The following DNAAF1 variants were observed in gnomAD, a reference collection of about 807,000 sequenced individuals.
The protein encoded by DNAAF1 is dynein assembly factor 1, axonemal.
In DNAAF1, 65 loss-of-function variants were observed where a neutral mutation model predicts 71.1. That is an observed-to-expected ratio of 0.91 (90% CI 0.75 to 1.12). DNAAF1 has a LOEUF of 1.12. DNAAF1 is among the 50% of genes most tolerant of loss of function. DNAAF1 has a pLI of 0.00. For missense variants in DNAAF1, 1,178 were observed against 899.8 expected (o/e 1.31, Z -3.96); for synonymous variants, 414 against 354.6 (o/e 1.17, Z -1.88).
At chr16:84,166,022 T>TCTTTAATC in intron 7 of DNAAF1, 73 bp downstream of exon 7, 1 of 1,525,376 alleles carries the variant, frequency 6.6e-7, no homozygotes, top group Non-Finnish European at 9.0e-7. Context: ...TCAAACCCAG[T>TCTTTAATC]CTTTAATCTT....
chr16:84,177,245 C>T (rs368105403), intron 11 of DNAAF1: 6 of 232,632 alleles, frequency 2.6e-5, no homozygotes, highest in African/African-American at 1.1e-4. Flanking sequence ...CAGCCTCGGG[C>T]GGGGGCAGGC....
chr16:84,170,003 A>C lies in DNAAF1; in HGVS notation c.1175A>C (p.Glu392Ala). 1.9e-6 allele frequency: 3 copies of C among 1,613,906 alleles called. No individual in the cohort carries two copies. The highest frequency in any genetic ancestry group is 8.5e-7 in the Non-Finnish European group (1 of 1,179,994). ...SFEAKDELCP[E>A]KPSGEEPPVE... Reference sequence around the variant, plus strand: ...GAGGCCAAGGACGAGCTCTGCCCGGAAAAGCCAAGTGGAGAGGAGCCGCCT... The same window carrying C: ...GAGGCCAAGGACGAGCTCTGCCCGGCAAAGCCAAGTGGAGAGGAGCCGCCT... Residue 392 changes from glutamate to alanine, a missense_variant, in exon 8 of 12, where the codon GAA becomes GCA. Glu to Ala is a moderately radical substitution (Grantham distance 107). Coordinates refer to ENST00000378553, the MANE Select transcript of DNAAF1 (RefSeq NM_178452.6).
In DNAAF1 at chr16:84,168,607, A is replaced by G. The variant is rs557447673; in HGVS notation, c.1031-1252A>G. Among the ~76,000 whole-genome samples the G allele has an allele frequency of 2.4e-4, 36 of 152,208 alleles. No individual in the cohort carries two copies. The Middle Eastern group carries it at 0.01, about 43-fold the overall frequency. On this transcript the variant is annotated intron_variant, in intron 7 of 11. Coordinates refer to ENST00000378553, the MANE Select transcript of DNAAF1 (RefSeq NM_178452.6). ...ATACATTTTTATATAAAAATGGCAG[A>G]AATATGTTGCTTCCTGTCTAGTCTT...
intron 5 of DNAAF1, among the ~76,000 whole-genome samples, chr16:84,158,089 C>T (rs1249139529): frequency 6.6e-6 from 1 of 152,046 alleles, no homozygotes; most frequent in African/African-American, 2.4e-5. Context: ...CCTGTAGTCC[C>T]AGCTACTCTG....
At chr16:84,159,553 A>G in intron 5 of DNAAF1, 122 bp from the exon 6 acceptor site, 1 of 1,340,862 alleles carries the variant, frequency 7.5e-7, no homozygotes, top group Admixed American at 2.0e-5. Context: ...AGGACAGGAT[A>G]TTGGCACTTC....
At chr16:84,165,666 G>A in intron 6 of DNAAF1, 117 bp from the exon 7 acceptor site, 1 of 975,538 alleles carries the variant, frequency 1.0e-6, no homozygotes, top group South Asian at 1.3e-5. Context: ...TTTTATCCTT[G>A]CAGTCACATG....
chr16:84,153,824 G>A (rs1256158997), intron 3 of DNAAF1, among the ~76,000 whole-genome samples: 1 of 152,112 alleles, frequency 6.6e-6, no homozygotes, highest in African/African-American at 2.4e-5. Context: ...CAGGCCTGGT[G>A]GGAACATTTT....
chr16:84,152,811 A>C (rs962709646), intron 3 of DNAAF1, among the ~76,000 whole-genome samples: 2 of 152,000 alleles, frequency 1.3e-5, no homozygotes, highest in Non-Finnish European at 2.9e-5. Flanking sequence ...AAAATTAGCC[A>C]GGTGTGGTGA....
At position 84,177,848 on chromosome 16, in the gene DNAAF1, C is replaced by T; in HGVS notation, c.*7C>T. 5.0e-6 allele frequency: 8 copies of T among 1,607,774 alleles called. No individual in the cohort carries two copies. Among genetic ancestry groups the T allele is most frequent in the Non-Finnish European group, 6.8e-6 (8 of 1,174,304 alleles). On this transcript the variant is annotated 3_prime_UTR_variant, in exon 12 of 12. Coordinates refer to ENST00000378553, the MANE Select transcript of DNAAF1 (RefSeq NM_178452.6). Reference sequence around the variant, plus strand: ...AGCACCGAAAGCATCATAGTTTTCCCCAGTTATATGTAGCATAAATGGTTT... The same window carrying T: ...AGCACCGAAAGCATCATAGTTTTCCTCAGTTATATGTAGCATAAATGGTTT...
intron 3 of DNAAF1, 102 bp downstream of exon 3, chr16:84,150,444 T>G (rs1354794906): frequency 1.1e-6 from 1 of 885,806 alleles, no homozygotes; most frequent in African/African-American, 1.7e-5. Flanking sequence ...TCAGAATGTA[T>G]CTAAGCAGGA....
chr16:84,146,900 T>C (rs1397130910), intron 1 of DNAAF1, among the ~76,000 whole-genome samples: 1 of 152,216 alleles, frequency 6.6e-6, no homozygotes, highest in Non-Finnish European at 1.5e-5. Context: ...CTGATTTGTG[T>C]TCCAGGCAAC....
At position 84,177,781 on chromosome 16, in the gene DNAAF1, G is replaced by C; in HGVS notation, c.2118G>C (p.Gln706His). Reference sequence around the variant, plus strand: ...CAGAGACGTGTGTCGGAGTTGCCCAGCCCAGCCAAGCTCTGCCCACGTGGG... The same window carrying C: ...CAGAGACGTGTGTCGGAGTTGCCCACCCCAGCCAAGCTCTGCCCACGTGGG... ...TPPETCVGVA[Q>H]PSQALPTWDL... The change falls in exon 12 of 12, where the codon CAG (glutamine) becomes CAC (histidine). Residue 706 changes from glutamine to histidine, a missense_variant. Physicochemically the swap from Gln to His is conservative, Grantham distance 24. Coordinates refer to ENST00000378553, the MANE Select transcript of DNAAF1 (RefSeq NM_178452.6). 1 of 1,614,044 alleles carries C rather than the reference G, an allele frequency of 6.2e-7. No homozygotes were observed. Among genetic ancestry groups the C allele is most frequent in the Non-Finnish European group, 8.5e-7 (1 of 1,179,994 alleles).
In DNAAF1 at chr16:84,174,375, G is replaced by T; in HGVS notation, c.1645-294G>T. ...TGGGTCCCATTATTTCCCCCAAGAT[G>T]AACTGGCTGTGTCTCTTAATAAAAA... On this transcript the variant is annotated intron_variant, in intron 9 of 11. Coordinates refer to ENST00000378553, the MANE Select transcript of DNAAF1 (RefSeq NM_178452.6). 3.1e-6 allele frequency: 4 copies of T among 1,306,558 alleles called. No homozygotes were observed. In the African/African-American group the frequency reaches 6.0e-5, roughly 19 times the overall value. The allele number at this position is 1,306,558 out of a possible 1,614,324, so 80.9% of individuals were successfully genotyped here.
intron 3 of DNAAF1, among the ~76,000 whole-genome samples, chr16:84,150,948 G>T (rs2087154387): frequency 6.6e-6 from 1 of 152,080 alleles, no homozygotes; most frequent in African/African-American, 2.4e-5. Flanking sequence ...AAGTTAGTTT[G>T]TAAGTACTTT....
At chr16:84,171,326 C>A (rs551259874) in intron 8 of DNAAF1, among the ~76,000 whole-genome samples, 27 of 152,102 alleles carry the variant, frequency 1.8e-4, no homozygotes, top group African/African-American at 6.5e-4. Flanking sequence ...ATAGTGGTGA[C>A]CACTTGTAGT....
intron 11 of DNAAF1, chr16:84,177,072 A>G (rs1055268071): frequency 1.1e-5 from 2 of 176,102 alleles, no homozygotes; most frequent in African/African-American, 4.8e-5. Context: ...TCCAGCACGC[A>G]TCGGTGGCCA....
rs918051646 is a variant in DNAAF1 at position 84,148,939 on chromosome 16, G to A, written c.125-68G>A. On this transcript the variant is annotated intron_variant, in intron 1 of 11. Coordinates refer to ENST00000378553, the MANE Select transcript of DNAAF1 (RefSeq NM_178452.6). Reference sequence around the variant, plus strand: ...CTAAAAGTGGATGGTCATTAACCAAGCTGAAGTTGGGGGTATTTTTTGGCA... The same window carrying A: ...CTAAAAGTGGATGGTCATTAACCAAACTGAAGTTGGGGGTATTTTTTGGCA... The A allele has an allele frequency of 5.1e-6, 8 of 1,577,780 alleles. No homozygotes were observed. In the African/African-American group the frequency reaches 8.1e-5, roughly 16 times the overall value.
rs778439832 is a variant in DNAAF1, at chr16:84,165,939, T to A, written c.1020T>A (p.Ser340Arg). 4 of 1,609,902 alleles carry A rather than the reference T, an allele frequency of 2.5e-6. No individual in the cohort carries two copies. The African/African-American group carries it at 5.4e-5, about 22-fold the overall frequency. The change falls in exon 7 of 12, where the codon AGT becomes AGA. Residue 340 changes from serine to arginine, a missense_variant. Ser to Arg is a moderately radical substitution (Grantham distance 110, BLOSUM62 -1). Transcript: ENST00000378553. ...RAEERKRQRE[S>R]QERGEMTSSD... ...AGGAGAGGAAAAGACAGAGAGAGAG[T>A]CAAGAGAGAGGTATGCGCTCGGCCG... is the stretch of plus-strand genomic sequence containing the variant.
At position 84,158,160 on chromosome 16, in the gene DNAAF1, G is replaced by A. The variant is rs368476895; in HGVS notation, c.742-1515G>A. Among the ~76,000 whole-genome samples the A allele has an allele frequency of 3.7e-4, 57 of 152,208 alleles. 1 individual carries two copies. The highest frequency in any genetic ancestry group is 1.0e-3 in the South Asian group (5 of 4,824). ...GCAGAGCTTGCAGCGACCCGAGATC[G>A]CGCCACTACACTCCAGCCTGGGAGA... On this transcript the variant is annotated intron_variant, in intron 5 of 11. Coordinates refer to ENST00000378553, the MANE Select transcript of DNAAF1 (RefSeq NM_178452.6).
Sources: allele counts gnomAD v4.1 joint callset (sites outside exome capture counted in the v4.1 genomes callset), GRCh38; gene constraint gnomAD v4.1.1; transcripts MANE v1.5; gene names NCBI Gene and HGNC (gene_info 2026-07-23, HGNC 2026-07-21).